CYP2A13: variants seen among roughly 807,000 people sequenced by gnomAD.
CYP2A13 encodes the protein cytochrome P450 2A13.
In CYP2A13, 30 loss-of-function variants were observed where a neutral mutation model predicts 39.4. The observed-to-expected ratio is 0.76, with a 90% CI of 0.57 to 1.03. The LOEUF (loss-of-function observed/expected upper bound fraction) is 1.03, where lower values mean the gene tolerates loss of function less well. Among genes scored for constraint, CYP2A13 ranks in the 50% least tolerant of loss-of-function variants. CYP2A13 has a pLI of 0.00. For synonymous variants in CYP2A13, 269 were observed against 254.7 expected (o/e 1.06, Z -0.54); for missense variants, 731 against 648.4 (o/e 1.13, Z -1.38).
Position 41,095,851 on chromosome 19 carries a change from T to C in CYP2A13, c.1395T>C (p.Pro465=), listed in dbSNP as rs757311597. ...TGCAGAACTTTCGCTTCAAGTCCCC[T>C]CAGTCGCCTAAGGATATCGACGTGT... ...TIMQNFRFKS[P]QSPKDIDVSP... The change falls in exon 9 of 9, where the codon CCT becomes CCC. Residue 465 remains proline (P), a synonymous_variant. Transcript: ENST00000330436. 37 of 1,613,946 alleles carry C rather than the reference T, an allele frequency of 2.3e-5. No individual in the cohort carries two copies. The highest frequency in any genetic ancestry group is 9.3e-6 in the Non-Finnish European group (11 of 1,179,980).
chr19:41,088,469 A>G lies in CYP2A13; in HGVS notation c.-3A>G. On this transcript the variant is annotated 5_prime_UTR_variant, in exon 1 of 9. Coordinates refer to ENST00000330436, the MANE Select transcript of CYP2A13 (RefSeq NM_000766.5). The stretch of plus-strand genomic sequence containing the variant: ...CATCACCATCTATCATCCCACTGCC[A>G]CCATGCTGGCCTCAGGGCTGCTTCT... 6.2e-7 allele frequency: 1 copy of G among 1,612,428 alleles called. No homozygotes were observed. The highest frequency in any genetic ancestry group is 8.5e-7 in the Non-Finnish European group (1 of 1,178,884).
rs1326728647 is a variant in CYP2A13, at chr19:41,095,021, C to A, written c.1224C>A (p.Pro408=). ...VLRDPRFFSN[P]RDFNPQHFLD... Reference sequence around the variant, plus strand: ...GAGACCCCAGGTTCTTCTCCAACCCCCGGGACTTCAATCCCCAGCACTTCC... The same window carrying A: ...GAGACCCCAGGTTCTTCTCCAACCCACGGGACTTCAATCCCCAGCACTTCC... Residue 408 remains proline (P), a synonymous_variant, in exon 8 of 9, where the codon CCC becomes CCA. Transcript: ENST00000330436. 5 of 1,614,032 alleles carry A rather than the reference C, an allele frequency of 3.1e-6. No individual in the cohort carries two copies. In the African/African-American group the frequency reaches 5.3e-5, roughly 17 times the overall value.
In CYP2A13 at chr19:41,088,483, A is replaced by G. The variant is rs1354863842; in HGVS notation, c.12A>G (p.Ser4=). 1 of 1,613,630 alleles carries G rather than the reference A, an allele frequency of 6.2e-7. No individual in the cohort carries two copies. Among genetic ancestry groups the G allele is most frequent in the East Asian group, 2.2e-5 (1 of 44,878 alleles). The stretch of plus-strand genomic sequence containing the variant: ...ATCCCACTGCCACCATGCTGGCCTC[A>G]GGGCTGCTTCTGGTGACCTTGCTGG... MLA[S]GLLLVTLLAC... Residue 4 remains serine, a synonymous_variant, in exon 1 of 9, where the codon TCA becomes TCG. Transcript: ENST00000330436.
At chr19:41,095,497 C>T (rs779651863) in intron 8 of CYP2A13, among the ~76,000 whole-genome samples, 13 of 152,136 alleles carry the variant, frequency 8.5e-5, no homozygotes, top group South Asian at 6.2e-4. Flanking sequence ...TTTTTCAAAA[C>T]CCATAGAACT....
At position 41,095,109 on chromosome 19, in the gene CYP2A13, C is replaced by A. The variant is rs1388160919; in HGVS notation, c.1303+9C>A. 1.2e-6 allele frequency: 2 copies of A among 1,614,068 alleles called. No individual in the cohort carries two copies. Among genetic ancestry groups the A allele is most frequent in the South Asian group, 2.2e-5 (2 of 91,076 alleles). ...TGTGCCCTTTTCCATCGGTAAGAGACCACTGTTTGCTGCCAGGCCACGGCT... is the reference window on the plus strand; with the variant it reads ...TGTGCCCTTTTCCATCGGTAAGAGAACACTGTTTGCTGCCAGGCCACGGCT... On this transcript the variant is annotated intron_variant, in intron 8 of 8. Transcript: ENST00000330436.
chr19:41,090,474 G>C lies in CYP2A13; in HGVS notation c.564G>C (p.Gly188=). Residue 188 remains glycine (G), a synonymous_variant, in exon 4 of 9, where the codon GGG becomes GGC. Coordinates refer to ENST00000330436, the MANE Select transcript of CYP2A13 (RefSeq NM_000766.5). ...ATGTCATCAGCTCCATTGTCTTTGGGGACCGCTTTGACTATGAGGACAAAG... is the reference window on the plus strand; with the variant it reads ...ATGTCATCAGCTCCATTGTCTTTGGCGACCGCTTTGACTATGAGGACAAAG... ...VSNVISSIVF[G]DRFDYEDKEF... is the part of the protein sequence containing the mutation. 1 of 1,614,068 alleles carries C rather than the reference G, an allele frequency of 6.2e-7. No homozygotes were observed. The highest frequency in any genetic ancestry group is 1.1e-5 in the South Asian group (1 of 91,080).
In CYP2A13 at chr19:41,094,369, C is replaced by T. The variant is rs901349846; in HGVS notation, c.1098C>T (p.Leu366=). Residue 366 remains leucine, a synonymous_variant, in exon 7 of 9, where the codon CTC becomes CTT. Coordinates refer to ENST00000330436, the MANE Select transcript of CYP2A13 (RefSeq NM_000766.5). ...IHEIQRFGDM[L]PMGLAHRVNK... is the part of the protein sequence containing the mutation. ...AGATCCAAAGATTTGGAGACATGCT[C>T]CCCATGGGTTTGGCCCACAGGGTCA... 3 of 1,614,028 alleles carry T rather than the reference C, an allele frequency of 1.9e-6. No homozygotes were observed. Among genetic ancestry groups the T allele is most frequent in the Non-Finnish European group, 1.7e-6 (2 of 1,180,026 alleles).
rs1568368738 is a variant in CYP2A13 at position 41,095,990 on chromosome 19, C to CG, written c.*49_*50insG. The CG allele has an allele frequency of 3.2e-6, 4 of 1,234,944 alleles. No individual in the cohort carries two copies. The highest frequency in any genetic ancestry group is 6.5e-5 in the East Asian group (2 of 30,766). 76.5% of individuals were successfully genotyped at this position (1,234,944 alleles called of 1,614,324 possible). A position where few individuals can be genotyped will look rare whatever the true frequency, so the allele number is the denominator to read the frequency against. On this transcript the variant is annotated 3_prime_UTR_variant, in exon 9 of 9. Transcript: ENST00000330436. ...CTGGTGGGCGGGGCCAGGGAAACGGCCGGGGCAGGGGCGGGGCTTGTGGGA... is the reference window on the plus strand; with the variant it reads ...CTGGTGGGCGGGGCCAGGGAAACGGCGCGGGGCAGGGGCGGGGCTTGTGGGA...
chr19:41,092,312 TAAAA>T (rs529985444), intron 5 of CYP2A13, among the ~76,000 whole-genome samples: 5,845 of 53,352 alleles, frequency 0.11, 496 homozygotes, highest in African/African-American at 0.33. Flanking sequence ...CAAGACCCTG[TAAAA>T]AAAAAAAAAA....
chr19:41,094,197 C>G, intron 6 of CYP2A13, 48 bp from the exon 7 acceptor site: 2 of 1,602,122 alleles, frequency 1.2e-6, no homozygotes, highest in Non-Finnish European at 1.7e-6. Context: ...ACTATCATCC[C>G]TGCTCTAAGA....
At chr19:41,088,738 C>A (rs1254233593) in intron 1 of CYP2A13, 87 bp downstream of exon 1, 2 of 1,555,626 alleles carry the variant, frequency 1.3e-6, no homozygotes, top group Non-Finnish European at 1.7e-6. Context: ...CCAGTGTGGA[C>A]CAGAGTCTTA....
In CYP2A13 at chr19:41,090,541, T is replaced by A; in HGVS notation, c.631T>A (p.Phe211Ile). ...GCGCATGATGCTGGGAAGCTTCCAG[T>A]TCACGGCAACCTCCACGGGGCAGGT... ...LLRMMLGSFQFTATSTGQLYE... is the reference protein window; with the variant it reads ...LLRMMLGSFQITATSTGQLYE... The change falls in exon 4 of 9, where the codon TTC becomes ATC. Residue 211 changes from phenylalanine to isoleucine, a missense_variant. Phe to Ile is a conservative substitution (Grantham distance 21). Coordinates refer to ENST00000330436, the MANE Select transcript of CYP2A13 (RefSeq NM_000766.5). 1 of 1,614,056 alleles carries A rather than the reference T, an allele frequency of 6.2e-7. No homozygotes were observed. Among genetic ancestry groups the A allele is most frequent in the Non-Finnish European group, 8.5e-7 (1 of 1,179,966 alleles).
Position 41,089,563 on chromosome 19 carries a change from A to T in CYP2A13, c.343+472A>T, listed in dbSNP as rs372286128. On this transcript the variant is annotated intron_variant, in intron 2 of 8. Transcript: ENST00000330436. ...TGGTAATTGTCTGTCCTCCTTCCCG[A>T]TCCTCTCTGTTTCTGTCTCCATATT... 6.6e-5 allele frequency among the ~76,000 whole-genome samples: 10 copies of T among 150,858 alleles called. No individual in the cohort carries two copies. In the South Asian group the frequency reaches 1.3e-3, roughly 19 times the overall value.
At position 41,095,025 on chromosome 19, in the gene CYP2A13, G is replaced by A; in HGVS notation, c.1228G>A (p.Asp410Asn). ...CCCCAGGTTCTTCTCCAACCCCCGG[G>A]ACTTCAATCCCCAGCACTTCCTGGA... ...RDPRFFSNPR[D>N]FNPQHFLDKK... is the part of the protein sequence containing the mutation. The change falls in exon 8 of 9, where the codon GAC becomes AAC. Residue 410 changes from aspartate (D) to asparagine (N), a missense_variant. Asp to Asn is a conservative substitution (Grantham distance 23). Transcript: ENST00000330436. The A allele has an allele frequency of 1.9e-6, 3 of 1,614,118 alleles. No homozygotes were observed. The highest frequency in any genetic ancestry group is 1.7e-6 in the Non-Finnish European group (2 of 1,180,022).
rs1430883186 is a variant in CYP2A13 at position 41,090,420 on chromosome 19, C to T, written c.510C>T (p.Pro170=). The T allele has an allele frequency of 6.2e-7, 1 of 1,614,172 alleles. No individual in the cohort carries two copies. Among genetic ancestry groups the T allele is most frequent in the Admixed American group, 1.7e-5 (1 of 60,028 alleles). ...LRGTHGANID[P]TFFLSRTVSN... ...CACCTGCAGGCGCCAATATCGATCC[C>T]ACCTTCTTCCTGAGCCGCACAGTCT... The change falls in exon 4 of 9, where the codon CCC becomes CCT. Residue 170 remains proline, a synonymous_variant. Coordinates refer to ENST00000330436, the MANE Select transcript of CYP2A13 (RefSeq NM_000766.5).
At chr19:41,091,649 G>C (rs917052718) in intron 4 of CYP2A13, 83 bp from the exon 5 acceptor site, 1 of 1,564,228 alleles carries the variant, frequency 6.4e-7, no homozygotes, top group African/African-American at 1.4e-5. Flanking sequence ...TTCCTTCCTT[G>C]CTATGAAACA....
In CYP2A13 at chr19:41,090,509, C is replaced by T. The variant is rs377610120; in HGVS notation, c.599C>T (p.Ser200Leu). The part of the protein sequence containing the change: ...RFDYEDKEFL[S>L]LLRMMLGSFQ... Reference sequence around the variant, plus strand: ...GACTATGAGGACAAAGAGTTCCTGTCACTGTTGCGCATGATGCTGGGAAGC... The same window carrying T: ...GACTATGAGGACAAAGAGTTCCTGTTACTGTTGCGCATGATGCTGGGAAGC... The change falls in exon 4 of 9, where the codon TCA becomes TTA. Residue 200 changes from serine (S) to leucine (L), a missense_variant. Coordinates refer to ENST00000330436, the MANE Select transcript of CYP2A13 (RefSeq NM_000766.5). The T allele has an allele frequency of 5.3e-5, 86 of 1,614,050 alleles. 1 individual carries two copies. The highest frequency in any genetic ancestry group is 4.2e-4 in the East Asian group (19 of 44,896).
At chr19:41,093,828 C>G in intron 6 of CYP2A13, 57 bp downstream of exon 6, 1 of 1,592,916 alleles carries the variant, frequency 6.3e-7, no homozygotes, top group Non-Finnish European at 8.6e-7. Context: ...CTCCCCTGAG[C>G]CTGGTGCAGT....
intron 8 of CYP2A13, 140 bp from the exon 9 acceptor site, chr19:41,095,620 G>T: frequency 9.1e-7 from 1 of 1,098,756 alleles, no homozygotes; most frequent in East Asian, 2.4e-5. Flanking sequence ...AGCTCAGGGA[G>T]GATCGGAGTC....
Sources: gnomAD v4.1 joint callset for allele counts (sites outside exome capture counted in the v4.1 genomes callset) on GRCh38, gnomAD v4.1.1 for gene constraint, MANE v1.5 for transcripts, NCBI Gene and HGNC (gene_info 2026-07-23, HGNC 2026-07-21) for gene names.